Variants in UGT2B7 observed in about 807,000 individuals in gnomAD.
UGT2B7 encodes the protein UDP-glucuronosyltransferase 2B7.
A neutral mutation model predicts 51.9 loss-of-function variants in UGT2B7; 51 were observed. The observed-to-expected ratio is 0.98, with a 90% CI of 0.78 to 1.24. The LOEUF (loss-of-function observed/expected upper bound fraction) is 1.24. Ranked by LOEUF, UGT2B7 falls within the 50% of genes most tolerant of loss-of-function variation. The pLI, the probability that UGT2B7 is intolerant of heterozygous loss-of-function variation, is 0.00. For missense variants in UGT2B7, 727 were observed against 628.4 expected (o/e 1.16, Z -1.68); for synonymous variants, 225 against 211.6 (o/e 1.06, Z -0.55).
At chr4:69,063,322 A>AAAAAAAAAAG (rs1553911363) in intron 1 of UGT2B7, among the ~76,000 whole-genome samples, 21 of 116,788 alleles carry the variant, frequency 1.8e-4, no homozygotes, top group African/African-American at 6.4e-4. Flanking sequence ...CCGTCTCAAA[A>AAAAAAAAAAG]AAAAAAAAAA....
chr4:69,092,329 T>C (rs1719102816), upstream of UGT2B7, among the ~76,000 whole-genome samples: 2 of 152,280 alleles, frequency 1.3e-5, no homozygotes, highest in South Asian at 4.1e-4. Context: ...GGGTGGAATT[T>C]TTAAACCACT....
chr4:69,110,099 C>T (rs1268224075), intron 5 of UGT2B7, among the ~76,000 whole-genome samples: 5 of 151,936 alleles, frequency 3.3e-5, no homozygotes, highest in Admixed American at 2.6e-4. Flanking sequence ...ATTTGAAGAA[C>T]ACAATTAACA....
intron 1 of UGT2B7, among the ~76,000 whole-genome samples, chr4:69,087,151 C>T (rs1718981150): frequency 6.7e-6 from 1 of 150,060 alleles, no homozygotes; most frequent in South Asian, 2.1e-4. Flanking sequence ...TCTGTGTCTT[C>T]CTTTATGGTT....
At chr4:69,100,433 AT>A (rs1274240347) in intron 2 of UGT2B7, among the ~76,000 whole-genome samples, 1 of 152,062 alleles carries the variant, frequency 6.6e-6, no homozygotes, top group East Asian at 1.9e-4. Flanking sequence ...TTATTATTTA[AT>A]CTCTTAAAAG....
intron 2 of UGT2B7, among the ~76,000 whole-genome samples, chr4:69,101,597 C>T (rs1560510170): frequency 6.6e-6 from 1 of 151,900 alleles, no homozygotes. Context: ...CCAAGTATTA[C>T]CTGGAATAGC....
chr4:69,104,977 ACAACTATCC>A (rs1349688081), intron 3 of UGT2B7, among the ~76,000 whole-genome samples: 1 of 152,170 alleles, frequency 6.6e-6, no homozygotes, highest in Non-Finnish European at 1.5e-5. Flanking sequence ...AGGCGGACAG[ACAACTATCC>A]CAAGTACCCA....
intron 1 of UGT2B7, among the ~76,000 whole-genome samples, chr4:69,080,819 C>T (rs565846535): frequency 1.2e-4 from 19 of 152,096 alleles, no homozygotes; most frequent in Admixed American, 3.9e-4. Flanking sequence ...GAAATAAATG[C>T]GATTCAACTT....
At chr4:69,062,393 G>A (rs1032760038) in intron 1 of UGT2B7, among the ~76,000 whole-genome samples, 3 of 152,210 alleles carry the variant, frequency 2.0e-5, no homozygotes, top group Non-Finnish European at 2.9e-5. Flanking sequence ...ATATGGCTAA[G>A]CGCAGGAAAG....
chr4:69,107,983 A>T, intron 4 of UGT2B7, 120 bp from the exon 5 acceptor site: 4 of 1,340,604 alleles, frequency 3.0e-6, no homozygotes, highest in East Asian at 2.3e-5. Context: ...CCGAAGTCTG[A>T]AACACAATTT....
In UGT2B7 at chr4:69,097,049, G is replaced by T; in HGVS notation, c.529G>T (p.Gly177Cys). Residue 177 changes from glycine (G) to cysteine (C), a missense_variant, in exon 1 of 6, where the codon GGC becomes TGC. Coordinates refer to ENST00000305231, the MANE Select transcript of UGT2B7 (RefSeq NM_001074.4). ...TGTGTACAGTCTCAGCTTCTCTCCT[G>T]GCTACACTTTTGAAAAGCATAGTGG... ...PFVYSLSFSP[G>C]YTFEKHSGGF... The T allele has an allele frequency of 6.2e-7, 1 of 1,613,720 alleles. No homozygotes were observed. The highest frequency in any genetic ancestry group is 8.5e-7 in the Non-Finnish European group (1 of 1,179,782).
intron 1 of UGT2B7, chr4:69,069,845 A>C (rs1718563308): frequency 6.6e-6 from 1 of 152,094 alleles, no homozygotes; most frequent in African/African-American, 2.4e-5. Flanking sequence ...ATGTTGCTTG[A>C]TTATCAAAAG....
intron 3 of UGT2B7, among the ~76,000 whole-genome samples, chr4:69,103,829 A>G (rs1366769733): frequency 1.3e-5 from 2 of 152,178 alleles, no homozygotes; most frequent in African/African-American, 4.8e-5. Flanking sequence ...AAAATACGTG[A>G]CAACAAATGG....
chr4:69,092,529 C>G (rs1040074800), upstream of UGT2B7, among the ~76,000 whole-genome samples: 3 of 126,426 alleles, frequency 2.4e-5, no homozygotes, highest in East Asian at 7.3e-4. Context: ...CTCCACCTTC[C>G]TATGTACCTG....
At chr4:69,098,856 G>A (rs1239700882) in intron 2 of UGT2B7, among the ~76,000 whole-genome samples, 168 bp downstream of exon 2, 2 of 151,852 alleles carry the variant, frequency 1.3e-5, no homozygotes, top group South Asian at 2.1e-4. Context: ...ACCATCACAC[G>A]TATATGAGTT....
intron 2 of UGT2B7, among the ~76,000 whole-genome samples, chr4:69,099,278 A>G (rs971933884): frequency 2.1e-4 from 29 of 138,964 alleles, no homozygotes; most frequent in African/African-American, 7.8e-4. Context: ...AAAAAAAAAA[A>G]GAAGCAGGTA....
At chr4:69,081,612 G>A (rs998266259) in intron 1 of UGT2B7, among the ~76,000 whole-genome samples, 4 of 151,952 alleles carry the variant, frequency 2.6e-5, no homozygotes, top group African/African-American at 4.8e-5. Flanking sequence ...CATACTTGTG[G>A]GAATAATTTC....
chr4:69,082,773 G>A (rs1718866990), intron 1 of UGT2B7, among the ~76,000 whole-genome samples: 1 of 152,142 alleles, frequency 6.6e-6, no homozygotes, highest in Admixed American at 6.6e-5. Flanking sequence ...TAAGATCATT[G>A]ATGATGGTGA....
At chr4:69,056,681 T>A (rs1560497236) in intron 1 of UGT2B7, among the ~76,000 whole-genome samples, 1 of 151,940 alleles carries the variant, frequency 6.6e-6, no homozygotes, top group Non-Finnish European at 1.5e-5. Flanking sequence ...CTCCTTTGTT[T>A]CCTACCTGTA....
chr4:69,087,097 T>C (rs901160727), intron 1 of UGT2B7, among the ~76,000 whole-genome samples: 1 of 151,574 alleles, frequency 6.6e-6, no homozygotes, highest in Non-Finnish European at 1.5e-5. Context: ...TCTCTGTGTC[T>C]TCCTTTCTCT....
Sources: allele counts gnomAD v4.1 joint callset (sites outside exome capture counted in the v4.1 genomes callset), GRCh38; gene constraint gnomAD v4.1.1; transcripts MANE v1.5; gene names NCBI Gene and HGNC (gene_info 2026-07-23, HGNC 2026-07-21).